Variants in ARHGAP25 observed in about 807,000 individuals in gnomAD.
ARHGAP25 encodes Rho GTPase activating protein 25, also known as rho GTPase-activating protein 25.
In ARHGAP25, 34 loss-of-function variants were observed where a neutral mutation model predicts 71.0. The observed-to-expected ratio is 0.48, with a 90% CI of 0.36 to 0.64. The LOEUF (loss-of-function observed/expected upper bound fraction) is 0.64, where lower values mean the gene tolerates loss of function less well. Ranked by LOEUF, ARHGAP25 falls within the 30% of genes least tolerant of loss-of-function variation. The pLI, the probability that ARHGAP25 is intolerant of heterozygous loss-of-function variation, is 0.00. For synonymous variants in ARHGAP25, 282 were observed against 296.5 expected, an observed-to-expected ratio of 0.95 and a Z score of 0.50; for missense variants, 706 against 805.1, an observed-to-expected ratio of 0.88 and a Z score of 1.49.
intron 4 of ARHGAP25, among the ~76,000 whole-genome samples, chr2:68,800,062 T>G (rs1228338533): frequency 6.6e-6 from 1 of 152,156 alleles, no homozygotes; most frequent in African/African-American, 2.4e-5. Context: ...TTTTTTATTT[T>G]GTAGTTCACT....
At chr2:68,743,414 A>G (rs898951717) in intron 1 of ARHGAP25, among the ~76,000 whole-genome samples, 4 of 152,126 alleles carry the variant, frequency 2.6e-5, no homozygotes, top group Admixed American at 6.5e-5. Flanking sequence ...TCAGATCATT[A>G]TTTGTAGATA....
intron 1 of ARHGAP25, among the ~76,000 whole-genome samples, chr2:68,772,921 T>C (rs1196599776): frequency 6.6e-6 from 1 of 152,242 alleles, no homozygotes; most frequent in East Asian, 1.9e-4. Context: ...TATCAAATTA[T>C]CTTTTCTACA....
rs113400869 is a variant in ARHGAP25 at position 68,750,747 on chromosome 2, G to T, written c.61+15487G>T. On this transcript the variant is annotated intron_variant, in intron 1 of 10. Transcript: ENST00000409202. ...TCTTCTCTGAGGTTCCCTGCAGACCGGACTGTCTGTGATTCTGCAGATGTC... is the reference window on the plus strand; with the variant it reads ...TCTTCTCTGAGGTTCCCTGCAGACCTGACTGTCTGTGATTCTGCAGATGTC... 9.0e-3 allele frequency among the ~76,000 whole-genome samples: 1,364 copies of T among 152,324 alleles called. 20 individuals are homozygous for T. Among genetic ancestry groups the T allele is most frequent in the African/African-American group, 0.031 (1,296 of 41,574 alleles).
intron 2 of ARHGAP25, among the ~76,000 whole-genome samples, chr2:68,723,267 TG>T (rs1674808070): frequency 6.6e-6 from 1 of 152,220 alleles, no homozygotes; most frequent in Admixed American, 6.5e-5. Context: ...GACAACTTCA[TG>T]CCTTGAGAAT....
intron 2 of ARHGAP25, among the ~76,000 whole-genome samples, chr2:68,718,261 C>G (rs1319672898): frequency 6.6e-6 from 1 of 152,126 alleles, no homozygotes; most frequent in Admixed American, 6.5e-5. Flanking sequence ...ATCACATTTT[C>G]TTTTTCTGGA....
At chr2:68,728,227 ACAT>A (rs1269675804) in intron 2 of ARHGAP25, among the ~76,000 whole-genome samples, 2 of 152,206 alleles carry the variant, frequency 1.3e-5, no homozygotes, top group African/African-American at 2.4e-5. Flanking sequence ...AAGATGCTTA[ACAT>A]CATTAGTCAT....
At chr2:68,768,535 G>A (rs1677273960) in intron 1 of ARHGAP25, among the ~76,000 whole-genome samples, 1 of 152,208 alleles carries the variant, frequency 6.6e-6, no homozygotes, top group African/African-American at 2.4e-5. Flanking sequence ...AAGGAAAACA[G>A]CACCCTTTTC....
chr2:68,787,676 G>C (rs1678852195), intron 3 of ARHGAP25, among the ~76,000 whole-genome samples, 164 bp from the exon 4 acceptor site: 1 of 152,232 alleles, frequency 6.6e-6, no homozygotes, highest in African/African-American at 2.4e-5. Flanking sequence ...AGAGTGCCCG[G>C]ATATCCAGTT....
intron 1 of ARHGAP25, among the ~76,000 whole-genome samples, chr2:68,772,194 G>A (rs183884561): frequency 6.6e-6 from 1 of 152,258 alleles, no homozygotes; most frequent in East Asian, 1.9e-4. Flanking sequence ...TCTGCTAACC[G>A]CTTCCCACTT....
intron 1 of ARHGAP25, chr2:68,757,860 G>A (rs148985771): frequency 6.6e-6 from 1 of 152,142 alleles, no homozygotes; most frequent in Non-Finnish European, 1.5e-5. Flanking sequence ...TAGCATTATT[G>A]TCAGTCTGGT....
intron 10 of ARHGAP25, among the ~76,000 whole-genome samples, chr2:68,823,766 G>A (rs537582476): frequency 6.6e-6 from 1 of 152,118 alleles, no homozygotes; most frequent in Admixed American, 6.5e-5. Context: ...ACCGGCTGCA[G>A]GGGGCAAACA....
At chr2:68,732,645 G>A (rs990702355), upstream of ARHGAP25, among the ~76,000 whole-genome samples, 3 of 152,150 alleles carry the variant, frequency 2.0e-5, no homozygotes, top group Non-Finnish European at 2.9e-5. Context: ...AAACACTCCG[G>A]CCCTTCTTCC....
intron 4 of ARHGAP25, among the ~76,000 whole-genome samples, chr2:68,806,432 G>A (rs1382092800): frequency 6.6e-6 from 1 of 152,138 alleles, no homozygotes; most frequent in Non-Finnish European, 1.5e-5. Flanking sequence ...TTTATCCTTG[G>A]GGGGATACAT....
intron 4 of ARHGAP25, among the ~76,000 whole-genome samples, chr2:68,792,940 T>G (rs185830255): frequency 2.6e-5 from 4 of 152,304 alleles, no homozygotes; most frequent in Admixed American, 6.5e-5. Flanking sequence ...CATCTGTTAT[T>G]TTTTTACTTT....
intron 3 of ARHGAP25, among the ~76,000 whole-genome samples, chr2:68,783,571 T>G (rs1448800932): frequency 6.6e-6 from 1 of 152,004 alleles, no homozygotes; most frequent in Non-Finnish European, 1.5e-5. Context: ...CAAGCAATTC[T>G]CCTTGCCTCA....
chr2:68,734,187 T>C (rs1263428030), upstream of ARHGAP25, among the ~76,000 whole-genome samples: 1 of 152,242 alleles, frequency 6.6e-6, no homozygotes, highest in African/African-American at 2.4e-5. Context: ...TTGTGGTTAT[T>C]ATCAACCCCA....
intron 6 of ARHGAP25, among the ~76,000 whole-genome samples, chr2:68,814,379 T>C (rs890082927): frequency 6.6e-6 from 1 of 152,236 alleles, no homozygotes; most frequent in Non-Finnish European, 1.5e-5. Flanking sequence ...ATGTGGCTAG[T>C]GCACCTGGGA....
chr2:68,757,219 A>C (rs1291798316), intron 1 of ARHGAP25, among the ~76,000 whole-genome samples: 1 of 152,130 alleles, frequency 6.6e-6, no homozygotes, highest in Non-Finnish European at 1.5e-5. Flanking sequence ...GGAGTCCTAA[A>C]AGGAAAAGAG....
intron 1 of ARHGAP25, 89 bp from the exon 2 acceptor site, chr2:68,775,132 C>T (rs1677784352): frequency 5.6e-6 from 9 of 1,606,698 alleles, no homozygotes; most frequent in Non-Finnish European, 7.7e-6. Context: ...CTTCTCAGCC[C>T]CCTCTGGGGT....
Sources: gnomAD v4.1 joint callset for allele counts (sites outside exome capture counted in the v4.1 genomes callset) on GRCh38, gnomAD v4.1.1 for gene constraint, MANE v1.5 for transcripts, NCBI Gene and HGNC (gene_info 2026-07-23, HGNC 2026-07-21) for gene names.